CPEB2: variants seen among roughly 807,000 people sequenced by gnomAD.
CPEB2 encodes cytoplasmic polyadenylation element-binding protein 2.
In CPEB2, 56 loss-of-function variants were observed where a neutral mutation model predicts 93.6. That is an observed-to-expected ratio of 0.60 (90% CI 0.48 to 0.75). The LOEUF (loss-of-function observed/expected upper bound fraction) is 0.75. CPEB2 is among the 30% of genes least tolerant of loss of function. CPEB2 has a pLI of 0.00. For synonymous variants in CPEB2, 764 were observed against 586.3 expected, an observed-to-expected ratio of 1.30 and a Z score of -4.38; for missense variants, 1,579 against 1,395.1, an observed-to-expected ratio of 1.13 and a Z score of -2.10.
At chr4:15,022,169 G>C (rs960148872) in intron 4 of CPEB2, among the ~76,000 whole-genome samples, 7 of 151,900 alleles carry the variant, frequency 4.6e-5, no homozygotes, top group Admixed American at 6.6e-5. Flanking sequence ...GGTGTAGTTC[G>C]TGTGGGGTGT....
At chr4:15,027,181 A>G (rs1022722979) in intron 4 of CPEB2, among the ~76,000 whole-genome samples, 2 of 152,100 alleles carry the variant, frequency 1.3e-5, no homozygotes, top group Admixed American at 1.3e-4. Flanking sequence ...TTGAATCAAA[A>G]CTTTTTGGTA....
chr4:15,007,719 A>G, intron 2 of CPEB2, 133 bp downstream of exon 2: 1 of 514,672 alleles, frequency 1.9e-6, no homozygotes, highest in South Asian at 5.3e-5. Context: ...ATGTAATTTA[A>G]TTAACAAAGG....
At chr4:15,009,383 G>C (rs1305661571) in intron 3 of CPEB2, among the ~76,000 whole-genome samples, 2 of 152,168 alleles carry the variant, frequency 1.3e-5, no homozygotes, top group Non-Finnish European at 2.9e-5. Flanking sequence ...GCCAAGTCCT[G>C]CCTGTTTTCC....
rs1306439077 is a variant in CPEB2 at position 15,007,398 on chromosome 4, C to G, written c.1756C>G (p.Arg586Gly). The change falls in exon 2 of 12, where the codon CGT becomes GGT. Residue 586 changes from arginine to glycine, a missense_variant. Transcript: ENST00000538197. ...GGGAGCAATGCATGGCAGAGATCAT[C>G]GTAGAACCGGAAACATGGGAATCCC... ...SWGAMHGRDHRRTGNMGIPGT... is the reference protein window; with the variant it reads ...SWGAMHGRDHGRTGNMGIPGT... 6 of 1,613,834 alleles carry G rather than the reference C, an allele frequency of 3.7e-6. No individual in the cohort carries two copies. The highest frequency in any genetic ancestry group is 4.2e-6 in the Non-Finnish European group (5 of 1,179,840).
intron 6 of CPEB2, among the ~76,000 whole-genome samples, chr4:15,042,348 A>AT (rs1454158185): frequency 6.6e-6 from 1 of 152,018 alleles, no homozygotes; most frequent in African/African-American, 2.4e-5. Flanking sequence ...AAAAAACAAA[A>AT]TTTTTTTCCC....
chr4:15,028,586 T>TA (rs1051291681), intron 4 of CPEB2, among the ~76,000 whole-genome samples: 1 of 152,066 alleles, frequency 6.6e-6, no homozygotes, highest in Non-Finnish European at 1.5e-5. Context: ...TGTTAGATGA[T>TA]AATCAGTACT....
In CPEB2 at chr4:15,063,223, C is replaced by T. The variant is rs573130190; in HGVS notation, c.2877+963C>T. On this transcript the variant is annotated intron_variant, in intron 11 of 11. Coordinates refer to ENST00000538197, the MANE Select transcript of CPEB2 (RefSeq NM_001177382.2). ...GACAGGGAAGCTGGTTAATTAATACCGATTGACTAGACCATGCATGCTAGA... is the reference window on the plus strand; with the variant it reads ...GACAGGGAAGCTGGTTAATTAATACTGATTGACTAGACCATGCATGCTAGA... Among the ~76,000 whole-genome samples the T allele has an allele frequency of 4.6e-5, 7 of 151,966 alleles. No individual in the cohort carries two copies. In the East Asian group the frequency reaches 9.7e-4, roughly 21 times the overall value.
At chr4:15,015,191 G>C (rs1723979981) in intron 3 of CPEB2, among the ~76,000 whole-genome samples, 1 of 152,070 alleles carries the variant, frequency 6.6e-6, no homozygotes. Context: ...TACTGAATTT[G>C]ATGTGTTTCA....
chr4:15,008,325 T>C lies in CPEB2; in HGVS notation c.1945-13T>C. On this transcript the variant is annotated splice_polypyrimidine_tract_variant and intron_variant, in intron 2 of 11. Coordinates refer to ENST00000538197, the MANE Select transcript of CPEB2 (RefSeq NM_001177382.2). ...ACTGCTCATTTCTGATGAAAACTTC[T>C]ATGCTATTGAAGGTGAGATCTAGTT... 6.3e-7 allele frequency: 1 copy of C among 1,596,992 alleles called. No homozygotes were observed. Among genetic ancestry groups the C allele is most frequent in the Non-Finnish European group, 8.6e-7 (1 of 1,164,460 alleles).
At chr4:15,023,925 A>T (rs1725125453) in intron 4 of CPEB2, among the ~76,000 whole-genome samples, 2 of 152,058 alleles carry the variant, frequency 1.3e-5, no homozygotes, top group Non-Finnish European at 2.9e-5. Context: ...CAGGGATTGT[A>T]TTACTGAGAT....
intron 7 of CPEB2, among the ~76,000 whole-genome samples, 162 bp downstream of exon 7, chr4:15,052,746 A>G (rs557865690): frequency 3.0e-4 from 46 of 152,326 alleles, no homozygotes; most frequent in African/African-American, 9.1e-4. Context: ...CTGTTGAAAT[A>G]TGAAAGTAGT....
chr4:15,061,827 A>G (rs144601213), intron 10 of CPEB2, among the ~76,000 whole-genome samples: 1 of 147,214 alleles, frequency 6.8e-6, no homozygotes, highest in Non-Finnish European at 1.5e-5. Context: ...CTATTTCTCT[A>G]TAGGACAGAA....
chr4:15,003,871 ACCCAGCCGCAGCAGCAGCCGCCGCCAC>A lies in CPEB2; in HGVS notation c.1205_1231del (p.Pro402_Gln410del). The A allele has an allele frequency of 3.7e-6, 3 of 817,840 alleles. No homozygotes were observed. The highest frequency in any genetic ancestry group is 4.8e-6 in the Non-Finnish European group (3 of 619,308). 50.7% of individuals were successfully genotyped at this position (817,840 alleles called of 1,614,324 possible). ...ACCCCAGCCCCAGCAGCCGCCGCCG[ACCCAGCCGCAGCAGCAGCCGCCGCCAC>A]CCCAGCAGCCGCCCCAGCCGCAGCC... On this transcript the variant is annotated inframe_deletion, in exon 1 of 12. Coordinates refer to ENST00000538197, the MANE Select transcript of CPEB2 (RefSeq NM_001177382.2).
In CPEB2 at chr4:15,003,569, C is replaced by G; in HGVS notation, c.896C>G (p.Ala299Gly). The G allele has an allele frequency of 6.8e-7, 1 of 1,467,018 alleles. No individual in the cohort carries two copies. The highest frequency in any genetic ancestry group is 9.0e-7 in the Non-Finnish European group (1 of 1,112,946). 90.9% of individuals were successfully genotyped at this position (1,467,018 alleles called of 1,614,324 possible). The stretch of plus-strand genomic sequence containing the variant: ...GGCAGCGCCGCCGAGTCCCCCAATG[C>G]GGGCTTGGCCTCCTCGACGCCGGTG... ...GEGSAAESPN[A>G]GLASSTPVNP... is the part of the protein sequence containing the mutation. Residue 299 changes from alanine (A) to glycine (G), a missense_variant, in exon 1 of 12, where the codon GCG (alanine) becomes GGG (glycine). Ala to Gly is a moderately conservative substitution (Grantham distance 60, BLOSUM62 0). This residue lies in a region of CPEB2 where 1,411 missense variants were observed against 1,056.0 expected (regional missense o/e 1.34). Transcript: ENST00000538197.
chr4:15,038,746 G>A (rs752719925), intron 5 of CPEB2, among the ~76,000 whole-genome samples: 13 of 151,936 alleles, frequency 8.6e-5, no homozygotes, highest in African/African-American at 2.2e-4. Context: ...CTGCCACCAC[G>A]CCCGGCTAAT....
chr4:15,023,963 T>C (rs1321546786), intron 4 of CPEB2, among the ~76,000 whole-genome samples: 1 of 152,116 alleles, frequency 6.6e-6, no homozygotes, highest in African/African-American at 2.4e-5. Context: ...TAGATGAACC[T>C]TGTATGTTTT....
At chr4:15,018,969 T>TATACAC (rs1479960595) in intron 4 of CPEB2, among the ~76,000 whole-genome samples, 10 of 139,194 alleles carry the variant, frequency 7.2e-5, no homozygotes, top group Non-Finnish European at 1.6e-4. Flanking sequence ...TATATATATA[T>TATACAC]ACACACGCAC....
intron 3 of CPEB2, 37 bp from the exon 4 acceptor site, chr4:15,017,151 C>G (rs1319652811): frequency 8.5e-7 from 1 of 1,176,200 alleles, no homozygotes; most frequent in East Asian, 2.3e-5. Context: ...GAAAAAACTG[C>G]ATAGATTATA....
chr4:15,003,930 G>T lies in CPEB2; in HGVS notation c.1257G>T (p.Pro419=), dbSNP rs2108935929. 3.5e-6 allele frequency: 4 copies of T among 1,132,168 alleles called. No individual in the cohort carries two copies. Among genetic ancestry groups the T allele is most frequent in the East Asian group, 6.6e-5 (2 of 30,326 alleles). 70.1% of individuals were successfully genotyped at this position (1,132,168 alleles called of 1,614,324 possible). ...PQQPPQPQPQ[P]PGSSATTPGG... Reference sequence around the variant, plus strand: ...AGCCGCCCCAGCCGCAGCCGCAGCCGCCCGGCTCGTCTGCCACCACCCCGG... The same window carrying T: ...AGCCGCCCCAGCCGCAGCCGCAGCCTCCCGGCTCGTCTGCCACCACCCCGG... Residue 419 remains proline, a synonymous_variant, in exon 1 of 12, where the codon CCG becomes CCT. Transcript: ENST00000538197.
Sources: allele counts gnomAD v4.1 joint callset (sites outside exome capture counted in the v4.1 genomes callset), GRCh38; gene constraint gnomAD v4.1.1; regional missense constraint gnomAD v4.1.1; transcripts MANE v1.5; gene names NCBI Gene and HGNC (gene_info 2026-07-23, HGNC 2026-07-21).